The following EYS variants were observed in gnomAD, a reference collection of about 807,000 sequenced individuals.
EYS encodes protein eyes shut homolog.
In EYS, 250 loss-of-function variants were observed where a neutral mutation model predicts 282.1. The ratio of observed to expected loss-of-function variants is 0.89; its 90% CI spans 0.80 to 0.98. EYS has a LOEUF of 0.98. Ranked by LOEUF, EYS falls within the 50% of genes least tolerant of loss-of-function variation. EYS has a pLI of 0.00. For synonymous variants in EYS, 1,355 were observed against 1,282.9 expected (o/e 1.06, Z -1.20); for missense variants, 4,016 against 3,709.0 (o/e 1.08, Z -2.15).
intron 1 of EYS, among the ~76,000 whole-genome samples, chr6:65,651,808 CT>C (rs879340089): frequency 2.6e-5 from 4 of 152,004 alleles, no homozygotes; most frequent in Non-Finnish European, 5.9e-5. Flanking sequence ...TGTAACCAGT[CT>C]CTTTAATCCA....
chr6:64,711,709 T>C (rs6906431), intron 22 of EYS, among the ~76,000 whole-genome samples: 142,405 of 152,268 alleles, frequency 0.94, 66,946 homozygotes, highest in Non-Finnish European at 0.99. Context: ...TGATGCAATA[T>C]AAATATTCTA....
rs1768507476 is a variant in EYS at position 65,443,467 on chromosome 6, AC to A, written c.863-38101del. 1.4e-5 allele frequency among the ~76,000 whole-genome samples: 2 copies of A among 144,222 alleles called. 1 individual carries two copies. The highest frequency in any genetic ancestry group is 3.1e-5 in the Non-Finnish European group (2 of 63,666). The allele number at this position is 144,222 out of a possible 152,430, so 94.6% of individuals were successfully genotyped here. A position where few individuals can be genotyped will look rare whatever the true frequency, so the allele number is the denominator to read the frequency against. On this transcript the variant is annotated intron_variant, in intron 5 of 42. Coordinates refer to ENST00000503581, the MANE Select transcript of EYS (RefSeq NM_001142800.2). ...AGCCATATGTACATATACGCCATAC[AC>A]ATGCACATATATACACATATGCGCA...
At chr6:64,668,283 T>G (rs778028996) in intron 22 of EYS, among the ~76,000 whole-genome samples, 1 of 152,140 alleles carries the variant, frequency 6.6e-6, no homozygotes, top group Non-Finnish European at 1.5e-5. Flanking sequence ...AAGTAATAGA[T>G]GAAAACAAAA....
At chr6:65,054,329 T>C (rs1773354985) in intron 13 of EYS, among the ~76,000 whole-genome samples, 1 of 152,030 alleles carries the variant, frequency 6.6e-6, no homozygotes, top group Non-Finnish European at 1.5e-5. Flanking sequence ...ATTAGGGACC[T>C]ATACTCTTCC....
chr6:64,275,654 G>A (rs577857826), intron 30 of EYS, among the ~76,000 whole-genome samples: 1 of 151,500 alleles, frequency 6.6e-6, no homozygotes, highest in South Asian at 2.1e-4. Context: ...CTGAACTCGT[G>A]ATCTGTGTGC....
chr6:64,976,828 A>ATT (rs148230642), intron 14 of EYS, among the ~76,000 whole-genome samples: 9 of 150,036 alleles, frequency 6.0e-5, no homozygotes, highest in African/African-American at 2.2e-4. Context: ...AAATATTGAG[A>ATT]TTTTTTTTTT....
chr6:64,851,066 C>A (rs1765867066), intron 19 of EYS, among the ~76,000 whole-genome samples: 1 of 151,768 alleles, frequency 6.6e-6, no homozygotes, highest in African/African-American at 2.4e-5. Flanking sequence ...TATCAATTAG[C>A]ATATTTAACA....
chr6:64,320,407 T>A (rs1582593251), intron 29 of EYS, among the ~76,000 whole-genome samples: 1 of 151,930 alleles, frequency 6.6e-6, no homozygotes, highest in East Asian at 1.9e-4. Context: ...TCTTTCAGCA[T>A]AGTTTCTACT....
At chr6:64,322,647 T>C (rs1185920162) in intron 29 of EYS, among the ~76,000 whole-genome samples, 6 of 152,050 alleles carry the variant, frequency 3.9e-5, no homozygotes, top group African/African-American at 9.7e-5. Flanking sequence ...AGGTGAAGTA[T>C]TGAAACTCAG....
chr6:64,879,419 C>A (rs1361115272), intron 19 of EYS, among the ~76,000 whole-genome samples: 1 of 151,518 alleles, frequency 6.6e-6, no homozygotes, highest in African/African-American at 2.4e-5. Flanking sequence ...TAAATAGATA[C>A]ATAAACAAGA....
chr6:64,752,498 T>A (rs994083511), intron 22 of EYS, among the ~76,000 whole-genome samples: 5 of 151,996 alleles, frequency 3.3e-5, no homozygotes, highest in African/African-American at 1.2e-4. Context: ...ATTCAAAAAA[T>A]ATGTGATTAT....
chr6:64,753,228 A>G (rs554599080), intron 22 of EYS, among the ~76,000 whole-genome samples: 1 of 152,248 alleles, frequency 6.6e-6, no homozygotes, highest in East Asian at 1.9e-4. Flanking sequence ...CTATGACAGG[A>G]ACAGACTCAC....
chr6:64,601,852 G>T lies in EYS; in HGVS notation c.3685-8543C>A, dbSNP rs1020436249. Among the ~76,000 whole-genome samples the T allele has an allele frequency of 2.0e-5, 3 of 152,068 alleles. No individual in the cohort carries two copies. In the South Asian group the frequency reaches 6.2e-4, roughly 32 times the overall value. ...CTTCTGTACTTTTGCCCCCACCATA[G>T]TTACTGTGCTCAACTCCCATTATCC... is the stretch of plus-strand genomic sequence containing the variant. On this transcript the variant is annotated intron_variant, in intron 24 of 42. Coordinates refer to ENST00000503581, the MANE Select transcript of EYS (RefSeq NM_001142800.2).
rs7745754 is a variant in EYS, at chr6:64,132,824, T to C, written c.6425-50822A>G. Among the ~76,000 whole-genome samples, 697 of 152,040 alleles carry C rather than the reference T, an allele frequency of 4.6e-3. 5 individuals carry two copies. The highest frequency in any genetic ancestry group is 0.016 in the African/African-American group (667 of 41,534). On this transcript the variant is annotated intron_variant, in intron 31 of 42. Coordinates refer to ENST00000503581, the MANE Select transcript of EYS (RefSeq NM_001142800.2). ...AAATGAATGTTCATATATTTAATACTTGAAGATTAATACAGTAGTATACAA... is the reference window on the plus strand; with the variant it reads ...AAATGAATGTTCATATATTTAATACCTGAAGATTAATACAGTAGTATACAA...
At chr6:64,473,754 A>G (rs778007429) in intron 26 of EYS, among the ~76,000 whole-genome samples, 2 of 152,058 alleles carry the variant, frequency 1.3e-5, no homozygotes, top group Non-Finnish European at 2.9e-5. Context: ...CCACTTTGGG[A>G]CTCACGGATC....
chr6:65,428,493 C>T (rs1767748606), intron 5 of EYS, among the ~76,000 whole-genome samples: 2 of 150,570 alleles, frequency 1.3e-5, no homozygotes, highest in South Asian at 4.3e-4. Context: ...GAAATAGTCA[C>T]TGTCATTAAA....
chr6:64,921,317 T>C (rs956070668), intron 15 of EYS, among the ~76,000 whole-genome samples: 1 of 152,182 alleles, frequency 6.6e-6, no homozygotes, highest in African/African-American at 2.4e-5. Flanking sequence ...ATTATTTTAT[T>C]AAAATTTAAA....
chr6:64,283,567 G>A (rs368648359), intron 30 of EYS, among the ~76,000 whole-genome samples: 8 of 152,112 alleles, frequency 5.3e-5, no homozygotes, highest in African/African-American at 9.7e-5. Flanking sequence ...GTGAACACAC[G>A]CTTTTCATCT....
intron 5 of EYS, among the ~76,000 whole-genome samples, chr6:65,487,897 T>C (rs570194991): frequency 6.6e-6 from 1 of 152,282 alleles, no homozygotes; most frequent in South Asian, 2.1e-4. Flanking sequence ...CCTGGTTTAG[T>C]CTTGGGAGGG....
Sources: gnomAD v4.1 joint callset for allele counts (sites outside exome capture counted in the v4.1 genomes callset) on GRCh38, gnomAD v4.1.1 for gene constraint, MANE v1.5 for transcripts, NCBI Gene and HGNC (gene_info 2026-07-23, HGNC 2026-07-21) for gene names.